Variants in PLEKHA7 observed in about 807,000 individuals in gnomAD.
PLEKHA7 encodes the protein pleckstrin homology domain-containing family A member 7.
In PLEKHA7, 104 loss-of-function variants were observed where a neutral mutation model predicts 170.0. The ratio of observed to expected loss-of-function variants is 0.61; its 90% CI spans 0.52 to 0.72. PLEKHA7 has a LOEUF of 0.72. Ranked by LOEUF, PLEKHA7 falls within the 30% of genes least tolerant of loss-of-function variation. PLEKHA7 has a pLI of 0.00. For synonymous variants in PLEKHA7, 648 were observed against 660.8 expected, an observed-to-expected ratio of 0.98 and a Z score of 0.30; for missense variants, 1,615 against 1,671.7, an observed-to-expected ratio of 0.97 and a Z score of 0.59.
At chr11:16,950,451 G>A (rs1396135765) in intron 3 of PLEKHA7, among the ~76,000 whole-genome samples, 2 of 151,840 alleles carry the variant, frequency 1.3e-5, no homozygotes, top group Non-Finnish European at 2.9e-5. Flanking sequence ...TACCCACAAA[G>A]AAGAGGGTAT....
intron 3 of PLEKHA7, among the ~76,000 whole-genome samples, chr11:16,878,486 T>C (rs959066008): frequency 6.6e-6 from 1 of 152,230 alleles, no homozygotes; most frequent in Non-Finnish European, 1.5e-5. Flanking sequence ...CTAGTACCAT[T>C]CTTCCCCTTG....
At chr11:16,887,279 T>A (rs1856187133) in intron 3 of PLEKHA7, among the ~76,000 whole-genome samples, 1 of 148,858 alleles carries the variant, frequency 6.7e-6, no homozygotes. Context: ...AAACCCCATC[T>A]CTACTAAAAA....
At chr11:16,972,684 G>A (rs1862798696) in intron 3 of PLEKHA7, among the ~76,000 whole-genome samples, 1 of 152,160 alleles carries the variant, frequency 6.6e-6, no homozygotes, top group Admixed American at 6.5e-5. Context: ...GCCTCCCAAA[G>A]TGCTGGGATT....
At chr11:16,816,098 G>A in intron 12 of PLEKHA7, 80 bp downstream of exon 12, 1 of 1,194,766 alleles carries the variant, frequency 8.4e-7, no homozygotes, top group East Asian at 2.4e-5. Context: ...CTGCCCTCTG[G>A]ACTGCATTGT....
At chr11:16,801,202 G>A (rs944771425) in intron 16 of PLEKHA7, 127 bp from the exon 17 acceptor site, 3 of 789,154 alleles carry the variant, frequency 3.8e-6, no homozygotes, top group Admixed American at 2.0e-5. Flanking sequence ...GGGCAGGCCT[G>A]GTGGGAGAGA....
At chr11:16,900,638 T>A (rs1279335707) in intron 3 of PLEKHA7, among the ~76,000 whole-genome samples, 1 of 152,106 alleles carries the variant, frequency 6.6e-6, no homozygotes, top group East Asian at 1.9e-4. Context: ...CATTAACAAC[T>A]GGGTGGTCCT....
chr11:16,783,051 C>G (rs74406763), intron 25 of PLEKHA7, among the ~76,000 whole-genome samples, 155 bp from the exon 26 acceptor site: 14,213 of 152,264 alleles, frequency 0.093, 708 homozygotes, highest in Non-Finnish European at 0.1. Flanking sequence ...CATGCTTTTC[C>G]CCAAACACCC....
chr11:16,931,311 G>A (rs1164424769), intron 3 of PLEKHA7, among the ~76,000 whole-genome samples: 1 of 152,166 alleles, frequency 6.6e-6, no homozygotes, highest in Non-Finnish European at 1.5e-5. Flanking sequence ...TGATTTGGCT[G>A]CTTGTGGTCT....
rs184796438 is a variant in PLEKHA7 at position 16,965,800 on chromosome 11, A to G, written c.221+48189T>C. ...CAACAAAATACTAAGTATCTATGTC[A>G]GTGAGTGGCTGTAAGGAGTAAATGA... On this transcript the variant is annotated intron_variant, in intron 3 of 26. Transcript: ENST00000531066. Among the ~76,000 whole-genome samples the G allele has an allele frequency of 5.3e-5, 8 of 152,342 alleles. No individual in the cohort carries two copies. The East Asian group carries it at 1.5e-3, about 29-fold the overall frequency.
chr11:16,889,254 C>T (rs914956141), intron 3 of PLEKHA7, among the ~76,000 whole-genome samples: 5 of 151,796 alleles, frequency 3.3e-5, no homozygotes, highest in Admixed American at 6.6e-5. Context: ...ACCTCCTCCT[C>T]TGCTAACAAT....
intron 13 of PLEKHA7, among the ~76,000 whole-genome samples, chr11:16,806,017 T>C (rs1848959908): frequency 6.6e-6 from 1 of 152,196 alleles, no homozygotes; most frequent in Admixed American, 6.5e-5. Context: ...TGCTCATTTG[T>C]CTCTCCTCAC....
intron 3 of PLEKHA7, among the ~76,000 whole-genome samples, chr11:16,972,726 A>G (rs940012842): frequency 1.3e-5 from 2 of 152,162 alleles, no homozygotes; most frequent in South Asian, 2.1e-4. Context: ...TGGTCAAAAC[A>G]TATTTTAAAA....
Position 16,803,231 on chromosome 11 carries a change from G to T in PLEKHA7, c.2072C>A (p.Thr691Asn), listed in dbSNP as rs763508929. 6.2e-7 allele frequency: 1 copy of T among 1,613,746 alleles called. No individual in the cohort carries two copies. The highest frequency in any genetic ancestry group is 8.5e-7 in the Non-Finnish European group (1 of 1,179,594). The change falls in exon 14 of 27, where the codon ACT becomes AAT. Residue 691 changes from threonine (T) to asparagine (N), a missense_variant. Physicochemically the swap from Thr to Asn is moderately conservative, Grantham distance 65. Coordinates refer to ENST00000531066, the MANE Select transcript of PLEKHA7 (RefSeq NM_001329630.2). The part of the protein sequence containing the change: ...LKPVKIAESD[T>N]DVKLSIFCEQ... ...CGTGTCACTCTGCTCACTCACGTCA[G>T]TGTCGCTCTCAGCGATCTTCACAGG...
chr11:16,942,733 G>A (rs183343859), intron 3 of PLEKHA7, among the ~76,000 whole-genome samples: 55 of 152,322 alleles, frequency 3.6e-4, no homozygotes, highest in African/African-American at 1.0e-3. Flanking sequence ...TGCTGCGGCC[G>A]CTGTAAACTG....
At chr11:16,966,001 G>A (rs1019772713) in intron 3 of PLEKHA7, among the ~76,000 whole-genome samples, 3 of 152,104 alleles carry the variant, frequency 2.0e-5, no homozygotes, top group East Asian at 1.9e-4. Context: ...TGGCCAACAT[G>A]GTAAAATCCC....
intron 3 of PLEKHA7, among the ~76,000 whole-genome samples, chr11:17,009,228 T>C (rs4757490): frequency 0.63 from 95,592 of 151,982 alleles, 30,773 homozygotes; most frequent in East Asian, 0.96. Flanking sequence ...AGCAAAATCA[T>C]TGAACCTTCA....
chr11:16,926,722 AG>A (rs1313339201), intron 3 of PLEKHA7, among the ~76,000 whole-genome samples: 2 of 152,214 alleles, frequency 1.3e-5, no homozygotes, highest in East Asian at 3.9e-4. Context: ...TTCCATTCAC[AG>A]GTGGAGATGA....
intron 3 of PLEKHA7, among the ~76,000 whole-genome samples, chr11:16,898,885 CCTCTGATA>C (rs1199854794): frequency 2.0e-5 from 3 of 152,176 alleles, no homozygotes; most frequent in South Asian, 2.1e-4. Flanking sequence ...TCTGCATGAA[CCTCTGATA>C]CTCTGATAGG....
intron 4 of PLEKHA7, among the ~76,000 whole-genome samples, chr11:16,859,631 G>C (rs755858399): frequency 4.6e-5 from 7 of 152,186 alleles, no homozygotes; most frequent in Non-Finnish European, 8.8e-5. Context: ...CATCCCACAG[G>C]CATGTTTCCC....
Sources: allele counts gnomAD v4.1 joint callset (sites outside exome capture counted in the v4.1 genomes callset), GRCh38; gene constraint gnomAD v4.1.1; transcripts MANE v1.5; gene names NCBI Gene and HGNC (gene_info 2026-07-23, HGNC 2026-07-21).